Variants in SRSF12 observed in about 807,000 individuals in gnomAD.
The protein encoded by SRSF12 is serine/arginine-rich splicing factor 12.
In SRSF12, 21 loss-of-function variants were observed where a neutral mutation model predicts 34.1. That is an observed-to-expected ratio of 0.62 (90% CI 0.44 to 0.89). The LOEUF (loss-of-function observed/expected upper bound fraction) is 0.89, where lower values mean the gene tolerates loss of function less well. Among genes scored for constraint, SRSF12 ranks in the 40% least tolerant of loss-of-function variants. The probability of loss-of-function intolerance (pLI) is 0.00; values close to 1 mark genes in which losing one functional copy is unlikely to be tolerated. For synonymous variants in SRSF12, 111 were observed against 110.8 expected (o/e 1.00, Z -0.01); for missense variants, 278 against 327.8 (o/e 0.85, Z 1.17).
chr6:89,113,615 AT>A (rs1413746276), intron 1 of SRSF12, among the ~76,000 whole-genome samples: 1 of 151,818 alleles, frequency 6.6e-6, no homozygotes, highest in Non-Finnish European at 1.5e-5. Flanking sequence ...GGCCCCAAAG[AT>A]TTTGTTTATA....
intron 4 of SRSF12, among the ~76,000 whole-genome samples, chr6:89,099,443 CAT>C (rs66913576): frequency 0.21 from 29,339 of 138,630 alleles, 3,952 homozygotes; most frequent in East Asian, 0.66. Context: ...TATATATACA[CAT>C]ATATATGTGT....
intron 1 of SRSF12, 21 bp downstream of exon 1, chr6:89,117,802 C>T (rs767481400): frequency 3.7e-5 from 57 of 1,545,498 alleles, no homozygotes; most frequent in South Asian, 1.9e-4. Flanking sequence ...GCGCCCCCAA[C>T]CTGCAGCCGC....
chr6:89,101,364 T>C lies in SRSF12; in HGVS notation c.417-2417A>G, dbSNP rs181345753. Among the ~76,000 whole-genome samples the C allele has an allele frequency of 3.9e-4, 59 of 152,184 alleles. 1 individual carries two copies. Among genetic ancestry groups the C allele is most frequent in the African/African-American group, 1.1e-3 (45 of 41,540 alleles). On this transcript the variant is annotated intron_variant, in intron 4 of 4. Coordinates refer to ENST00000452027, the MANE Select transcript of SRSF12 (RefSeq NM_080743.5). The stretch of plus-strand genomic sequence containing the variant: ...TTCAAAAAGCTCAATAAACCCCACA[T>C]AGGCAAAGAAAACTACACTGGGCAC...
chr6:89,110,214 G>T (rs185849608), intron 1 of SRSF12, among the ~76,000 whole-genome samples: 8 of 152,236 alleles, frequency 5.3e-5, no homozygotes, highest in Admixed American at 3.3e-4. Flanking sequence ...CAGGTTCTTG[G>T]CATTTTTAAC....
chr6:89,103,136 C>T (rs144747272), intron 4 of SRSF12, among the ~76,000 whole-genome samples: 9 of 152,228 alleles, frequency 5.9e-5, no homozygotes, highest in African/African-American at 9.6e-5. Context: ...AAGTACAAAG[C>T]AGAATAGCAT....
chr6:89,112,093 C>T (rs1214624848), intron 1 of SRSF12, among the ~76,000 whole-genome samples: 1 of 151,410 alleles, frequency 6.6e-6, no homozygotes, highest in African/African-American at 2.4e-5. Context: ...CTGCAACCTC[C>T]TCCTCCCCGG....
chr6:89,100,136 T>C (rs1399591320), intron 4 of SRSF12, among the ~76,000 whole-genome samples: 1 of 152,220 alleles, frequency 6.6e-6, no homozygotes, highest in Non-Finnish European at 1.5e-5. Context: ...CTACAAATTA[T>C]CCTTAAATCA....
In SRSF12 at chr6:89,116,942, T is replaced by C. The variant is rs560203185; in HGVS notation, c.65+881A>G. Among the ~76,000 whole-genome samples, 8 of 152,242 alleles carry C rather than the reference T, an allele frequency of 5.3e-5. No homozygotes were observed. The South Asian group carries it at 1.5e-3, about 28-fold the overall frequency. Reference sequence around the variant, plus strand: ...AACTCTTAGTTTCCGCTCTCCCTTATGTACAATAAAACAGTACTGCATAGG... The same window carrying C: ...AACTCTTAGTTTCCGCTCTCCCTTACGTACAATAAAACAGTACTGCATAGG... On this transcript the variant is annotated intron_variant, in intron 1 of 4. Transcript: ENST00000452027.
rs1562191773 is a variant in SRSF12, at chr6:89,099,413, T to TGTGTATATATATAC, written c.417-467_417-466insGTATATATATACAC. On this transcript the variant is annotated intron_variant, in intron 4 of 4. Coordinates refer to ENST00000452027, the MANE Select transcript of SRSF12 (RefSeq NM_080743.5). ...CTCTCTCTCTCTCTCCATATATATA[T>TGTGTATATATATAC]ACATATATATATGTGTGTATATATA... is the stretch of plus-strand genomic sequence containing the variant. Among the ~76,000 whole-genome samples the TGTGTATATATATAC allele has an allele frequency of 4.1e-3, 568 of 139,964 alleles. 7 individuals are homozygous for TGTGTATATATATAC. The highest frequency in any genetic ancestry group is 0.015 in the African/African-American group (537 of 35,492). The allele number at this position is 139,964 out of a possible 152,430, so 91.8% of individuals were successfully genotyped here.
chr6:89,117,654 G>A (rs1485259998), intron 1 of SRSF12, among the ~76,000 whole-genome samples, 169 bp downstream of exon 1: 5 of 152,048 alleles, frequency 3.3e-5, no homozygotes, highest in Non-Finnish European at 7.4e-5. Context: ...TCCGCCCTGG[G>A]CCGCGGAGTA....
intron 4 of SRSF12, among the ~76,000 whole-genome samples, chr6:89,100,844 A>C (rs530699082): frequency 1.8e-4 from 27 of 152,380 alleles, no homozygotes; most frequent in Non-Finnish European, 4.4e-5. Context: ...GCAGTGGCTC[A>C]TGCCTGTAAT....
intron 2 of SRSF12, chr6:89,105,832 CA>C (rs1301367302): frequency 3.7e-4 from 61 of 166,848 alleles, no homozygotes; most frequent in East Asian, 6.3e-4. Context: ...ACAAGAAAAA[CA>C]AAAAAAAAGT....
chr6:89,101,914 T>G (rs1243161672), intron 4 of SRSF12, among the ~76,000 whole-genome samples: 1 of 151,650 alleles, frequency 6.6e-6, no homozygotes, highest in Non-Finnish European at 1.5e-5. Context: ...AAAGATGTTT[T>G]CAGACAAAAG....
rs1768330034 is a variant in SRSF12, at chr6:89,097,771, T to C, written c.*807A>G. ...AAGCAACAGATGAAAAGTAGGTATG[T>C]GGAAATAATGGTATCAAATATGATT... is the stretch of plus-strand genomic sequence containing the variant. On this transcript the variant is annotated 3_prime_UTR_variant, in exon 5 of 5. Transcript: ENST00000452027. The C allele has an allele frequency of 6.6e-6, 1 of 152,252 alleles. No homozygotes were observed. The highest frequency in any genetic ancestry group is 6.5e-5 in the Admixed American group (1 of 15,284). The allele number at this position is 152,252 out of a possible 1,614,324, so 9.4% of individuals were successfully genotyped here.
intron 1 of SRSF12, among the ~76,000 whole-genome samples, chr6:89,107,659 T>G (rs74488689): frequency 0.063 from 9,550 of 151,942 alleles, 875 homozygotes; most frequent in African/African-American, 0.2. Context: ...TGAGTGAGCA[T>G]GGGGAGGTTG....
intron 1 of SRSF12, among the ~76,000 whole-genome samples, chr6:89,116,225 A>T (rs781447121): frequency 1.3e-5 from 2 of 152,164 alleles, no homozygotes; most frequent in Admixed American, 6.5e-5. Flanking sequence ...GGCCCCTGTG[A>T]ACCATTAGAA....
At chr6:89,105,653 C>T in intron 2 of SRSF12, 123 bp from the exon 3 acceptor site, 1 of 642,110 alleles carries the variant, frequency 1.6e-6, no homozygotes, top group Middle Eastern at 2.8e-4. Flanking sequence ...CTCACATCTT[C>T]AATATAATAT....
At chr6:89,112,999 C>G (rs1308510467) in intron 1 of SRSF12, among the ~76,000 whole-genome samples, 1 of 152,130 alleles carries the variant, frequency 6.6e-6, no homozygotes, top group African/African-American at 2.4e-5. Context: ...ACGGGCCACA[C>G]CACATAGCCT....
intron 1 of SRSF12, among the ~76,000 whole-genome samples, chr6:89,117,404 G>A (rs949172963): frequency 3.3e-5 from 5 of 152,218 alleles, no homozygotes; most frequent in African/African-American, 1.2e-4. Context: ...CTCCATCTAG[G>A]AGGGTTGGAT....
Sources: gnomAD v4.1 joint callset for allele counts (sites outside exome capture counted in the v4.1 genomes callset) on GRCh38, gnomAD v4.1.1 for gene constraint, MANE v1.5 for transcripts, NCBI Gene and HGNC (gene_info 2026-07-23, HGNC 2026-07-21) for gene names.